GCNT2: variants seen among roughly 807,000 people sequenced by gnomAD.
GCNT2 encodes N-acetyllactosaminide beta-1,6-N-acetylglucosaminyl-transferase.
A neutral mutation model predicts 34.2 loss-of-function variants in GCNT2; 34 were observed. That is an observed-to-expected ratio of 1.00 (90% CI 0.76 to 1.32). GCNT2 has a LOEUF of 1.32. GCNT2 is among the 40% of genes most tolerant of loss of function. The pLI is 0.00. For synonymous variants in GCNT2, 212 were observed against 188.0 expected, an observed-to-expected ratio of 1.13 and a Z score of -1.04; for missense variants, 584 against 489.4, an observed-to-expected ratio of 1.19 and a Z score of -1.82.
At chr6:10,544,121 C>T (rs1762159831) in intron 3 of GCNT2, among the ~76,000 whole-genome samples, 1 of 151,816 alleles carries the variant, frequency 6.6e-6, no homozygotes, top group African/African-American at 2.4e-5. Flanking sequence ...CGAGACCAGC[C>T]TGGCCAATAT....
intron 3 of GCNT2, chr6:10,556,328 G>A: frequency 1.9e-6 from 3 of 1,591,634 alleles, no homozygotes; most frequent in Non-Finnish European, 2.6e-6. Flanking sequence ...AGTGAGTGGA[G>A]TATGTTGCAA....
chr6:10,562,674 A>C (rs1412730505), intron 3 of GCNT2, among the ~76,000 whole-genome samples: 6 of 150,190 alleles, frequency 4.0e-5, no homozygotes, highest in African/African-American at 4.9e-5. Flanking sequence ...AAAAAAAAAA[A>C]AAACAAAAAA....
chr6:10,620,248 G>A (rs1009613545), intron 3 of GCNT2, among the ~76,000 whole-genome samples: 1 of 152,136 alleles, frequency 6.6e-6, no homozygotes, highest in African/African-American at 2.4e-5. Context: ...TCTAAGAGAG[G>A]ACTATTGAAA....
Position 10,626,796 on chromosome 6 carries a change from T to A in GCNT2, c.*189T>A, listed in dbSNP as rs956631549. 83 of 594,586 alleles carry A rather than the reference T, an allele frequency of 1.4e-4. No homozygotes were observed. The highest frequency in any genetic ancestry group is 3.6e-5 in the Non-Finnish European group (12 of 332,850). The allele number at this position is 594,586 out of a possible 1,614,324, so 36.8% of individuals were successfully genotyped here. A position where few individuals can be genotyped will look rare whatever the true frequency, so the allele number is the denominator to read the frequency against. On this transcript the variant is annotated 3_prime_UTR_variant, in exon 5 of 5. Coordinates refer to ENST00000495262, the MANE Select transcript of GCNT2 (RefSeq NM_145649.5). ...GAAATACACTAACAGGATGGCTGGGTAGAGCAATCTGGGCACTTTGGCCAA... is the reference window on the plus strand; with the variant it reads ...GAAATACACTAACAGGATGGCTGGGAAGAGCAATCTGGGCACTTTGGCCAA...
chr6:10,555,837 G>C (rs1367124672), intron 3 of GCNT2: 6 of 985,280 alleles, frequency 6.1e-6, no homozygotes, highest in Non-Finnish European at 7.2e-6. Flanking sequence ...GAAACAGCAC[G>C]TTGGAAAACA....
At chr6:10,597,840 C>T (rs946289815) in intron 3 of GCNT2, among the ~76,000 whole-genome samples, 16 of 152,214 alleles carry the variant, frequency 1.1e-4, no homozygotes, top group African/African-American at 3.9e-4. Context: ...TTAAACACTT[C>T]ACACTGCACA....
chr6:10,537,728 A>G (rs1163804436), intron 3 of GCNT2, among the ~76,000 whole-genome samples: 1 of 101,956 alleles, frequency 9.8e-6, no homozygotes, highest in East Asian at 2.5e-4. Flanking sequence ...AAAAAAAAAC[A>G]AAACAAAGAA....
intron 3 of GCNT2, among the ~76,000 whole-genome samples, chr6:10,582,821 A>G (rs1332640990): frequency 6.6e-6 from 1 of 151,878 alleles, no homozygotes; most frequent in East Asian, 1.9e-4. Context: ...AACAACAACA[A>G]TCATAGCTAA....
intron 3 of GCNT2, among the ~76,000 whole-genome samples, chr6:10,605,113 C>G (rs1390242599): frequency 6.6e-6 from 1 of 151,294 alleles, no homozygotes; most frequent in African/African-American, 2.4e-5. Context: ...GCCATGTGCT[C>G]CAGCCTGGGA....
chr6:10,525,556 G>A (rs989415358), intron 1 of GCNT2, among the ~76,000 whole-genome samples: 1 of 152,202 alleles, frequency 6.6e-6, no homozygotes, highest in Admixed American at 6.5e-5. Context: ...GGAGGGTCTG[G>A]AAGACCAGCG....
chr6:10,608,265 C>T lies in GCNT2; in HGVS notation c.926-13086C>T, dbSNP rs369937710. ...GCTAATTTTGTATTTTTAGTAGAGA[C>T]GGGGTTTCTCCATGTTGGTCAGGCT... is the stretch of plus-strand genomic sequence containing the variant. On this transcript the variant is annotated intron_variant, in intron 3 of 4. Coordinates refer to ENST00000495262, the MANE Select transcript of GCNT2 (RefSeq NM_145649.5). 2.7e-4 allele frequency among the ~76,000 whole-genome samples: 41 copies of T among 151,902 alleles called. 1 individual carries two copies. Among genetic ancestry groups the T allele is most frequent in the African/African-American group, 9.4e-4 (39 of 41,444 alleles).
At chr6:10,560,201 G>C (rs1479905832) in intron 3 of GCNT2, among the ~76,000 whole-genome samples, 2 of 152,134 alleles carry the variant, frequency 1.3e-5, no homozygotes, top group African/African-American at 2.4e-5. Context: ...TGATTCTTGT[G>C]CCTCAGCCTC....
chr6:10,580,408 G>T (rs1764020584), intron 3 of GCNT2, among the ~76,000 whole-genome samples: 2 of 152,148 alleles, frequency 1.3e-5, no homozygotes, highest in Admixed American at 1.3e-4. Context: ...TGCCTTACCT[G>T]CCTGTAGGCA....
intron 3 of GCNT2, among the ~76,000 whole-genome samples, chr6:10,540,940 T>C (rs1762010942): frequency 6.6e-6 from 1 of 152,152 alleles, no homozygotes; most frequent in African/African-American, 2.4e-5. Context: ...GAGTTCTTAG[T>C]CATCTGATTG....
chr6:10,576,710 A>C (rs1763832577), intron 3 of GCNT2, among the ~76,000 whole-genome samples: 1 of 143,122 alleles, frequency 7.0e-6, no homozygotes, highest in South Asian at 2.1e-4. Context: ...ACACACATAG[A>C]AAGAAGAACC....
chr6:10,585,385 G>C (rs1764300195), intron 3 of GCNT2, among the ~76,000 whole-genome samples: 1 of 151,986 alleles, frequency 6.6e-6, no homozygotes, highest in Non-Finnish European at 1.5e-5. Context: ...TGTGCCCAGA[G>C]GTACAGATAA....
chr6:10,583,748 TG>T (rs1411825992), intron 3 of GCNT2, among the ~76,000 whole-genome samples: 3 of 152,176 alleles, frequency 2.0e-5, no homozygotes, highest in Non-Finnish European at 4.4e-5. Context: ...TTCTTTGAAA[TG>T]ACCTCAAATC....
At chr6:10,571,437 C>T (rs980580603) in intron 3 of GCNT2, among the ~76,000 whole-genome samples, 22 of 152,156 alleles carry the variant, frequency 1.4e-4, no homozygotes, top group African/African-American at 2.4e-4. Context: ...CTGCAACCTC[C>T]GCCTCCCAGG....
In GCNT2 at chr6:10,585,078, T is replaced by TGC. The variant is rs61114451; in HGVS notation, c.926-36268_926-36267dup. Among the ~76,000 whole-genome samples, 264 of 87,326 alleles carry TGC rather than the reference T, an allele frequency of 3.0e-3. 4 individuals are homozygous for TGC. Among genetic ancestry groups the TGC allele is most frequent in the Middle Eastern group, 0.011 (2 of 184 alleles). The allele number at this position is 87,326 out of a possible 152,430, so 57.3% of individuals were successfully genotyped here. ...GTGTGTGTGTGTGTGTGTGTGTGTG[T>TGC]GCGCGCTATATTCTGACACATCATT... On this transcript the variant is annotated intron_variant, in intron 3 of 4. Coordinates refer to ENST00000495262, the MANE Select transcript of GCNT2 (RefSeq NM_145649.5).
Sources: allele counts gnomAD v4.1 joint callset (sites outside exome capture counted in the v4.1 genomes callset), GRCh38; gene constraint gnomAD v4.1.1; transcripts MANE v1.5; gene names NCBI Gene and HGNC (gene_info 2026-07-23, HGNC 2026-07-21).